Variants in GLYATL1 observed in about 807,000 individuals in gnomAD.
GLYATL1 encodes glycine N-acyltransferase-like protein 1.
In GLYATL1, 15 loss-of-function variants were observed where a neutral mutation model predicts 20.0. That is an observed-to-expected ratio of 0.75 (90% CI 0.50 to 1.15). The LOEUF is 1.15. GLYATL1 is among the 50% of genes most tolerant of loss of function. The pLI is 0.00. For synonymous variants in GLYATL1, 151 were observed against 131.5 expected (o/e 1.15, Z -1.01); for missense variants, 380 against 368.5 (o/e 1.03, Z -0.26).
rs142020980 is a variant in GLYATL1 at position 58,933,306 on chromosome 11, A to C, written c.-212+5477A>C. 6.3e-3 allele frequency among the ~76,000 whole-genome samples: 960 copies of C among 152,252 alleles called. 30 individuals carry two copies. The highest frequency in any genetic ancestry group is 0.056 in the Admixed American group (860 of 15,292). ...ATTTGAAAACATGAGGTGACGGGAG[A>C]GCATCAAGATAAAAAGGAAATCACT... On this transcript the variant is annotated intron_variant, in intron 1 of 7. Transcript: ENST00000317391.
intron 4 of GLYATL1, 121 bp from the exon 5 acceptor site, chr11:58,954,649 C>T (rs972580831): frequency 1.7e-5 from 14 of 813,450 alleles, no homozygotes; most frequent in Non-Finnish European, 2.6e-5. Flanking sequence ...TGCCCAACTG[C>T]AGCCATCATG....
chr11:58,914,905 T>C (rs1855134899), intron 1 of GLYATL1, among the ~76,000 whole-genome samples: 1 of 152,132 alleles, frequency 6.6e-6, no homozygotes, highest in Non-Finnish European at 1.5e-5. Flanking sequence ...GGATTGAGAG[T>C]AATCTCACTG....
At chr11:58,910,522 A>G (rs569577527), downstream of GLYATL1, among the ~76,000 whole-genome samples, 5 of 152,218 alleles carry the variant, frequency 3.3e-5, no homozygotes, top group South Asian at 1.0e-3. Flanking sequence ...GTGGTATTAG[A>G]CAATACAGAT....
At chr11:58,911,000 T>A (rs1003413608), downstream of GLYATL1, among the ~76,000 whole-genome samples, 1 of 152,178 alleles carries the variant, frequency 6.6e-6, no homozygotes, top group African/African-American at 2.4e-5. Flanking sequence ...TTCACCCCAG[T>A]CCCTGGCAAC....
rs1857405555 is a variant in GLYATL1 at position 58,956,128 on chromosome 11, A to G, written c.*101A>G. The G allele has an allele frequency of 9.8e-7, 1 of 1,020,588 alleles. No individual in the cohort carries two copies. The highest frequency in any genetic ancestry group is 1.6e-5 in the African/African-American group (1 of 62,326). The allele number at this position is 1,020,588 out of a possible 1,614,324, so 63.2% of individuals were successfully genotyped here. A position where few individuals can be genotyped will look rare whatever the true frequency, so the allele number is the denominator to read the frequency against. ...ACTTACAAATGCATATTGGGCACTTATAATACAGCAGGAACTCTTCTCACC... is the reference window on the plus strand; with the variant it reads ...ACTTACAAATGCATATTGGGCACTTGTAATACAGCAGGAACTCTTCTCACC... On this transcript the variant is annotated 3_prime_UTR_variant, in exon 7 of 7. Transcript: ENST00000532726.
chr11:58,953,134 A>G (rs1252572300), intron 4 of GLYATL1, among the ~76,000 whole-genome samples: 1 of 152,234 alleles, frequency 6.6e-6, no homozygotes, highest in African/African-American at 2.4e-5. Context: ...TTGTAGCAAC[A>G]TGGCTGAAGC....
chr11:58,950,710 A>G (rs1055180764), intron 4 of GLYATL1, among the ~76,000 whole-genome samples: 4 of 152,204 alleles, frequency 2.6e-5, no homozygotes, highest in African/African-American at 9.6e-5. Context: ...GTTTCCCCAC[A>G]TTCTCACGAG....
exon 2 of GLYATL1, chr11:58,907,653 T>C (rs191110444): frequency 9.7e-6 from 2 of 207,004 alleles, no homozygotes; most frequent in East Asian, 2.3e-4. Context: ...GTGGGTCATA[T>C]TTTTTCCACG....
exon 1 of GLYATL1, chr11:58,905,578 G>T (rs1188840920): frequency 2.2e-6 from 1 of 456,272 alleles, no homozygotes; most frequent in Non-Finnish European, 4.4e-6. Flanking sequence ...CGGCTGCCGC[G>T]CAACCCCTCC....
chr11:58,932,592 A>G (rs2135140327), intron 1 of GLYATL1, among the ~76,000 whole-genome samples: 2 of 152,350 alleles, frequency 1.3e-5, no homozygotes, highest in Middle Eastern at 6.8e-3. Context: ...AAACCCCTGA[A>G]TGTGCATAAG....
At chr11:58,953,948 C>T (rs1422125717) in intron 4 of GLYATL1, among the ~76,000 whole-genome samples, 1 of 152,198 alleles carries the variant, frequency 6.6e-6, no homozygotes, top group Admixed American at 6.5e-5. Flanking sequence ...TCACGAGTCT[C>T]TTTCTTTCAA....
upstream of GLYATL1, among the ~76,000 whole-genome samples, chr11:58,923,222 T>A (rs566365379): frequency 6.6e-6 from 1 of 152,324 alleles, no homozygotes; most frequent in South Asian, 2.1e-4. Flanking sequence ...CAGGTGAACA[T>A]CTCAATGTGA....
intron 1 of GLYATL1, among the ~76,000 whole-genome samples, chr11:58,941,390 A>G (rs61889804): frequency 0.16 from 23,907 of 151,896 alleles, 2,045 homozygotes; most frequent in East Asian, 0.31. Context: ...TTATGGCTGC[A>G]TAGTATTCCA....
At position 58,931,770 on chromosome 11, in the gene GLYATL1, C is replaced by T. The variant is rs182465998; in HGVS notation, c.-212+3941C>T. Reference sequence around the variant, plus strand: ...AGAAACTCAGAATACATGTTTAACACGTATGATGAATAAGCAATTTATGTC... The same window carrying T: ...AGAAACTCAGAATACATGTTTAACATGTATGATGAATAAGCAATTTATGTC... On this transcript the variant is annotated intron_variant, in intron 1 of 7. Transcript: ENST00000317391. 4.1e-4 allele frequency among the ~76,000 whole-genome samples: 63 copies of T among 152,114 alleles called. 1 individual carries two copies. Among genetic ancestry groups the T allele is most frequent in the East Asian group, 2.1e-3 (11 of 5,184 alleles).
At chr11:58,905,513 T>C (rs1303685186) in exon 1 of GLYATL1, 1 of 456,014 alleles carries the variant, frequency 2.2e-6, no homozygotes, top group Non-Finnish European at 4.4e-6. Flanking sequence ...CTGCTCCCAC[T>C]CGCAATCAAA....
upstream of GLYATL1, chr11:58,935,143 T>A (rs1855770956): frequency 6.6e-6 from 1 of 152,384 alleles, no homozygotes; most frequent in Non-Finnish European, 1.5e-5. Context: ...AAAGACTGTC[T>A]GACATCCAAG....
intron 1 of GLYATL1, among the ~76,000 whole-genome samples, chr11:58,915,404 G>T (rs748848314): frequency 1.2e-4 from 18 of 152,174 alleles, no homozygotes; most frequent in Non-Finnish European, 2.5e-4. Context: ...CTGGATCCCA[G>T]AGCTATAGAT....
At chr11:58,928,423 T>TA (rs1377903346) in intron 1 of GLYATL1, 2 of 152,180 alleles carry the variant, frequency 1.3e-5, no homozygotes, top group East Asian at 3.9e-4. Flanking sequence ...AAGCGGTCCT[T>TA]ACACTTCCTT....
intron 1 of GLYATL1, chr11:58,943,211 A>C: frequency 7.1e-7 from 1 of 1,417,642 alleles, no homozygotes; most frequent in South Asian, 1.6e-5. Flanking sequence ...ACAAAATTGA[A>C]AACCTAATTT....
Sources: allele counts gnomAD v4.1 joint callset (sites outside exome capture counted in the v4.1 genomes callset), GRCh38; gene constraint gnomAD v4.1.1; transcripts MANE v1.5; gene names NCBI Gene and HGNC (gene_info 2026-07-23, HGNC 2026-07-21).